The following CXCR5 variants were observed in gnomAD, a reference collection of about 807,000 sequenced individuals.
CXCR5 encodes C-X-C motif chemokine receptor 5, also known as C-X-C chemokine receptor type 5.
A neutral mutation model predicts 5.6 loss-of-function variants in CXCR5; 3 were observed. That is an observed-to-expected ratio of 0.54 (90% CI 0.24 to 1.39). CXCR5 has a LOEUF of 1.39. Ranked by LOEUF, CXCR5 falls within the 40% of genes most tolerant of loss-of-function variation. The pLI, the probability that CXCR5 is intolerant of heterozygous loss-of-function variation, is 0.16. For missense variants in CXCR5, 333 were observed against 494.6 expected (o/e 0.67, Z 3.10); for synonymous variants, 218 against 219.9 (o/e 0.99, Z 0.08).
In CXCR5 at chr11:118,893,477, AC is replaced by A; in HGVS notation, c.52-118del. Reference sequence around the variant, plus strand: ...GATTTGTTCAAAATTGAAATTTGAAACTTGACATTTGGTCAGTGGGCCCTAT... The same window carrying A: ...GATTTGTTCAAAATTGAAATTTGAAATTGACATTTGGTCAGTGGGCCCTAT... On this transcript the variant is annotated intron_variant, in intron 1 of 1. Transcript: ENST00000292174. This position sits in a 1 kb window ranked among gnomAD's most constrained non-coding sequence, Gnocchi z 5.7. 6.9e-7 allele frequency: 1 copy of A among 1,458,926 alleles called. No individual in the cohort carries two copies. The highest frequency in any genetic ancestry group is 1.4e-5 in the African/African-American group (1 of 70,796). The allele number at this position is 1,458,926 out of a possible 1,614,324, so 90.4% of individuals were successfully genotyped here.
intron 1 of CXCR5, among the ~76,000 whole-genome samples, chr11:118,892,675 G>GC (rs1233739995): frequency 1.3e-5 from 2 of 151,776 alleles, no homozygotes; most frequent in African/African-American, 4.8e-5. Context: ...GATGGGGGGG[G>GC]GGTGATGGGG....
chr11:118,892,604 G>A (rs78041268), intron 1 of CXCR5, among the ~76,000 whole-genome samples: 2,972 of 151,072 alleles, frequency 0.02, 46 homozygotes, highest in Middle Eastern at 0.065. Flanking sequence ...AGTGAAAGGT[G>A]TGAAAACAGG....
chr11:118,896,759 A>G lies in CXCR5; in HGVS notation c.*2096A>G, dbSNP rs1161113937. On this transcript the variant is annotated 3_prime_UTR_variant, in exon 2 of 2. Transcript: ENST00000292174. ...GCCCTCCAGGCCAGGAAGGCTAGGGACGGGTCCTGGTAGAAGACACCCTGT... is the reference window on the plus strand; with the variant it reads ...GCCCTCCAGGCCAGGAAGGCTAGGGGCGGGTCCTGGTAGAAGACACCCTGT... 1 of 152,754 alleles carries G rather than the reference A, an allele frequency of 6.5e-6. No homozygotes were observed. The highest frequency in any genetic ancestry group is 1.5e-5 in the Non-Finnish European group (1 of 68,092). The allele number at this position is 152,754 out of a possible 1,614,324, so 9.5% of individuals were successfully genotyped here.
intron 1 of CXCR5, chr11:118,886,873 C>T (rs117076232): frequency 2.5e-5 from 4 of 157,240 alleles, no homozygotes; most frequent in East Asian, 1.9e-4. Flanking sequence ...GTGACCAGAG[C>T]ATCACAGGCG....
rs1305100890 is a variant in CXCR5, at chr11:118,895,373, C to T, written c.*710C>T. The T allele has an allele frequency of 6.0e-6, 1 of 167,094 alleles. No individual in the cohort carries two copies. The highest frequency in any genetic ancestry group is 1.5e-5 in the Non-Finnish European group (1 of 68,158). The allele number at this position is 167,094 out of a possible 1,614,324, so 10.4% of individuals were successfully genotyped here. ...GCAGGCAGGGCTGACTCTAGGTGCC[C>T]TTGGAGGCCAGCCAGTGACCTGAGG... On this transcript the variant is annotated 3_prime_UTR_variant, in exon 2 of 2. Transcript: ENST00000292174. This position sits in a 1 kb window ranked among gnomAD's most constrained non-coding sequence, Gnocchi z 4.2.
intron 1 of CXCR5, among the ~76,000 whole-genome samples, chr11:118,889,549 C>T (rs1158420924): frequency 6.6e-6 from 1 of 152,180 alleles, no homozygotes; most frequent in Non-Finnish European, 1.5e-5. Flanking sequence ...GCCAACCTTG[C>T]TTTATTGCCT....
chr11:118,890,680 A>AC (rs1448683771), intron 1 of CXCR5, among the ~76,000 whole-genome samples: 1 of 152,218 alleles, frequency 6.6e-6, no homozygotes, highest in Non-Finnish European at 1.5e-5. Context: ...TTTGGGAAGA[A>AC]CATAAAGGCT....
At chr11:118,887,496 C>T (rs748874914) in intron 1 of CXCR5, 166 of 923,090 alleles carry the variant, frequency 1.8e-4, no homozygotes, top group Non-Finnish European at 2.0e-4. Flanking sequence ...CCTAACACCA[C>T]ATCCAGCACA....
Position 118,893,531 on chromosome 11 carries a change from G to A in CXCR5, c.52-65G>A. Reference sequence around the variant, plus strand: ...AGGAAAAAACCTCCAAGAGAGCTAGGGTTCCTCTCAGAGAGGAAAGACAGG... The same window carrying A: ...AGGAAAAAACCTCCAAGAGAGCTAGAGTTCCTCTCAGAGAGGAAAGACAGG... On this transcript the variant is annotated intron_variant, in intron 1 of 1. Transcript: ENST00000292174. The surrounding 1 kb of genome is among the most constrained non-coding windows in gnomAD (Gnocchi z 5.7). 4.0e-6 allele frequency: 6 copies of A among 1,508,574 alleles called. No individual in the cohort carries two copies. The South Asian group carries it at 6.8e-5, about 17-fold the overall frequency. 93.4% of individuals were successfully genotyped at this position (1,508,574 alleles called of 1,614,324 possible).
chr11:118,894,417 C>T lies in CXCR5; in HGVS notation c.873C>T (p.Asp291=), dbSNP rs891033812. The change falls in exon 2 of 2, where the codon GAC becomes GAT. Residue 291 remains aspartate, a synonymous_variant. Transcript: ENST00000292174. The surrounding 1 kb of genome is among the most constrained non-coding windows in gnomAD (Gnocchi z 6.1). ...LDTLARLKAV[D]NTCKLNGSLP... ...CCCTGGCGAGGCTGAAGGCCGTGGA[C>T]AATACCTGCAAGCTGAATGGCTCTC... 21 of 1,614,232 alleles carry T rather than the reference C, an allele frequency of 1.3e-5. No homozygotes were observed. Among genetic ancestry groups the T allele is most frequent in the East Asian group, 6.7e-5 (3 of 44,876 alleles).
intron 1 of CXCR5, among the ~76,000 whole-genome samples, chr11:118,891,030 T>C (rs1939800100): frequency 6.6e-6 from 1 of 152,114 alleles, no homozygotes; most frequent in African/African-American, 2.4e-5. Flanking sequence ...CACGTATTAA[T>C]AGCCACTGCA....
rs190390806 is a variant in CXCR5, at chr11:118,887,326, G to A, written c.51+3334G>A. Reference sequence around the variant, plus strand: ...GAAAAATATTTCCAACCCAGGAGATGGTTTCAAGAGGCTGCCACACACACC... The same window carrying A: ...GAAAAATATTTCCAACCCAGGAGATAGTTTCAAGAGGCTGCCACACACACC... On this transcript the variant is annotated intron_variant, in intron 1 of 1. Coordinates refer to ENST00000292174, the MANE Select transcript of CXCR5 (RefSeq NM_001716.5). 80 of 985,430 alleles carry A rather than the reference G, an allele frequency of 8.1e-5. No homozygotes were observed. In the African/African-American group the frequency reaches 1.1e-3, roughly 14 times the overall value. 61.0% of individuals were successfully genotyped at this position (985,430 alleles called of 1,614,324 possible).
intron 1 of CXCR5, chr11:118,885,910 G>C (rs995930419): frequency 4.1e-5 from 7 of 172,094 alleles, no homozygotes; most frequent in Non-Finnish European, 7.6e-5. Context: ...GGACCATCTG[G>C]GCTCTGGAGC....
intron 1 of CXCR5, among the ~76,000 whole-genome samples, chr11:118,888,419 T>C (rs1939754123): frequency 6.6e-6 from 1 of 152,196 alleles, no homozygotes; most frequent in Non-Finnish European, 1.5e-5. Context: ...AAGTCTTCTC[T>C]GTCCCAGACA....
chr11:118,885,741 G>A (rs1939700961), intron 1 of CXCR5: 1 of 154,136 alleles, frequency 6.5e-6, no homozygotes, highest in Non-Finnish European at 1.4e-5. Context: ...GTGGGGGCAG[G>A]GGGCAGGGGC....
intron 1 of CXCR5, chr11:118,886,303 T>A (rs1270319479): frequency 4.5e-6 from 2 of 440,676 alleles, no homozygotes; most frequent in Admixed American, 2.6e-5. Context: ...TACACTCTCA[T>A]GTTGAGCTAA....
At position 118,894,595 on chromosome 11, in the gene CXCR5, C is replaced by T. The variant is rs746648288; in HGVS notation, c.1051C>T (p.Leu351Phe). The change falls in exon 2 of 2, where the codon CTC becomes TTC. Residue 351 changes from leucine to phenylalanine, a missense_variant. Leu to Phe is a conservative substitution (Grantham distance 22). Coordinates refer to ENST00000292174, the MANE Select transcript of CXCR5 (RefSeq NM_001716.5). This position sits in a 1 kb window ranked among gnomAD's most constrained non-coding sequence, Gnocchi z 6.1. ...TACCGGCCCTGCCTCCCTGTGCCAG[C>T]TCTTCCCTAGCTGGCGCAGGAGCAG... Reference protein sequence around the residue: ...GCTGPASLCQLFPSWRRSSLS... With the variant: ...GCTGPASLCQFFPSWRRSSLS... 11 of 1,526,898 alleles carry T rather than the reference C, an allele frequency of 7.2e-6. No individual in the cohort carries two copies. In the Middle Eastern group the frequency reaches 8.9e-4, roughly 123 times the overall value. The allele number at this position is 1,526,898 out of a possible 1,614,324, so 94.6% of individuals were successfully genotyped here.
Position 118,897,483 on chromosome 11 carries a change from T to C in CXCR5, c.*2820T>C, listed in dbSNP as rs1041023762. The C allele has an allele frequency of 3.2e-6, 1 of 317,396 alleles. No homozygotes were observed. The highest frequency in any genetic ancestry group is 6.1e-6 in the Non-Finnish European group (1 of 163,286). The allele number at this position is 317,396 out of a possible 1,614,324, so 19.7% of individuals were successfully genotyped here. A position where few individuals can be genotyped will look rare whatever the true frequency, so the allele number is the denominator to read the frequency against. ...GCAAACACACATGCACGTGCACACA[T>C]GTTCTCCCTGAATCACTCAGCAGCA... On this transcript the variant is annotated 3_prime_UTR_variant, in exon 2 of 2. Transcript: ENST00000292174.
In CXCR5 at chr11:118,894,906, G is replaced by C; in HGVS notation, c.*243G>C. ...AAAGCAGCTCAAAGGCACAGTGAAG[G>C]CTGTCCTTACCCATCTGCACCCCCC... is the stretch of plus-strand genomic sequence containing the variant. On this transcript the variant is annotated 3_prime_UTR_variant, in exon 2 of 2. Transcript: ENST00000292174. This position sits in a 1 kb window ranked among gnomAD's most constrained non-coding sequence, Gnocchi z 6.1. The C allele has an allele frequency of 2.3e-6, 1 of 444,146 alleles. No individual in the cohort carries two copies. Among genetic ancestry groups the C allele is most frequent in the Non-Finnish European group, 4.1e-6 (1 of 244,132 alleles). The allele number at this position is 444,146 out of a possible 1,614,324, so 27.5% of individuals were successfully genotyped here. A position where few individuals can be genotyped will look rare whatever the true frequency, so the allele number is the denominator to read the frequency against.
Sources: gnomAD v4.1 joint callset for allele counts (sites outside exome capture counted in the v4.1 genomes callset) on GRCh38, gnomAD v4.1.1 for gene constraint, Gnocchi (gnomAD v3.1) non-coding constraint, MANE v1.5 for transcripts, NCBI Gene and HGNC (gene_info 2026-07-23, HGNC 2026-07-21) for gene names.